Variants in WHRN observed in about 807,000 individuals in gnomAD.
WHRN encodes the protein whirlin.
A neutral mutation model predicts 68.3 loss-of-function variants in WHRN; 41 were observed. That is an observed-to-expected ratio of 0.60 (90% confidence interval 0.47 to 0.78). The LOEUF (loss-of-function observed/expected upper bound fraction) is 0.78. Among genes scored for constraint, WHRN ranks in the 30% least tolerant of loss-of-function variants. The pLI is 0.00. For synonymous variants in WHRN, 560 were observed against 561.3 expected (o/e 1.00, Z 0.03); for missense variants, 1,243 against 1,244.7 (o/e 1.00, Z 0.02).
intron 3 of WHRN, among the ~76,000 whole-genome samples, chr9:114,455,942 C>A (rs1329619545): frequency 6.6e-6 from 1 of 152,052 alleles, no homozygotes; most frequent in Non-Finnish European, 1.5e-5. Context: ...GCAAAATCAT[C>A]TAACACAAAG....
chr9:114,433,707 A>T (rs1837610786), intron 3 of WHRN, among the ~76,000 whole-genome samples: 1 of 152,218 alleles, frequency 6.6e-6, no homozygotes, highest in African/African-American at 2.4e-5. Context: ...AAATAAAAAG[A>T]TGCAGGTAAT....
chr9:114,441,446 G>A (rs1838364943), intron 3 of WHRN, among the ~76,000 whole-genome samples: 1 of 152,178 alleles, frequency 6.6e-6, no homozygotes, highest in African/African-American at 2.4e-5. Flanking sequence ...CTAGCCCCCA[G>A]ATCTTGATAT....
chr9:114,408,803 C>A (rs1246016679), intron 7 of WHRN, among the ~76,000 whole-genome samples: 2 of 152,176 alleles, frequency 1.3e-5, no homozygotes, highest in African/African-American at 4.8e-5. Context: ...GAGGGTGTTT[C>A]CAGGAGAGAT....
chr9:114,412,491 A>G (rs533710240), intron 7 of WHRN, among the ~76,000 whole-genome samples: 10 of 152,270 alleles, frequency 6.6e-5, no homozygotes, highest in African/African-American at 2.4e-4. Flanking sequence ...GTGACTGAAG[A>G]TCAGAGCGGG....
chr9:114,479,142 C>T (rs760111280), intron 1 of WHRN, among the ~76,000 whole-genome samples: 1 of 152,156 alleles, frequency 6.6e-6, no homozygotes, highest in Non-Finnish European at 1.5e-5. Context: ...AAATGCGGCT[C>T]ATGTGCTTAG....
intron 2 of WHRN, chr9:114,478,279 C>T: frequency 1.5e-6 from 1 of 684,974 alleles, no homozygotes; most frequent in Non-Finnish European, 2.7e-6. Context: ...CAGAGTGAGA[C>T]TCTGTCTCCA....
chr9:114,426,097 G>A, intron 4 of WHRN, 114 bp downstream of exon 4: 1 of 1,368,754 alleles, frequency 7.3e-7, no homozygotes, highest in Non-Finnish European at 1.0e-6. Context: ...GCCCTGGTGT[G>A]GGGACTGCAG....
chr9:114,408,591 T>C (rs1308478858), intron 7 of WHRN, among the ~76,000 whole-genome samples: 1 of 152,240 alleles, frequency 6.6e-6, no homozygotes, highest in East Asian at 1.9e-4. Flanking sequence ...AAAAGGCCAT[T>C]TGTGGGCCGT....
chr9:114,449,258 C>A (rs1214293470), intron 3 of WHRN, among the ~76,000 whole-genome samples: 1 of 152,178 alleles, frequency 6.6e-6, no homozygotes, highest in African/African-American at 2.4e-5. Context: ...CTCTTCATGC[C>A]CCTACCCTAT....
chr9:114,478,218 G>A, intron 2 of WHRN: 1 of 629,888 alleles, frequency 1.6e-6, no homozygotes, highest in Non-Finnish European at 2.9e-6. Flanking sequence ...AACCCTGGAG[G>A]CAGAGGTTGC....
At chr9:114,476,784 T>A (rs1378567308) in intron 2 of WHRN, among the ~76,000 whole-genome samples, 2 of 152,004 alleles carry the variant, frequency 1.3e-5, no homozygotes, top group African/African-American at 4.8e-5. Context: ...GTTCCTCATC[T>A]GCAAAATGGG....
chr9:114,477,047 A>AGGGTAC (rs1841707148), intron 2 of WHRN, among the ~76,000 whole-genome samples: 1 of 152,170 alleles, frequency 6.6e-6, no homozygotes. Context: ...TGGTGGGGAG[A>AGGGTAC]GGGTACGAGC....
At position 114,500,278 on chromosome 9, in the gene WHRN, C is replaced by T. The variant is rs533932454; in HGVS notation, c.618+3906G>A. Among the ~76,000 whole-genome samples the T allele has an allele frequency of 5.9e-4, 90 of 152,270 alleles. 1 individual carries two copies. The highest frequency in any genetic ancestry group is 2.0e-3 in the African/African-American group (85 of 41,554). On this transcript the variant is annotated intron_variant, in intron 1 of 11. Coordinates refer to ENST00000362057, the MANE Select transcript of WHRN (RefSeq NM_015404.4). ...AAGGTCTGTGCATGCCATGGTGCCACGGTTTCCAAACTGGACACAGGAACA... is the reference window on the plus strand; with the variant it reads ...AAGGTCTGTGCATGCCATGGTGCCATGGTTTCCAAACTGGACACAGGAACA...
intron 7 of WHRN, among the ~76,000 whole-genome samples, chr9:114,423,077 A>C (rs1208132593): frequency 6.6e-6 from 1 of 151,824 alleles, no homozygotes; most frequent in Non-Finnish European, 1.5e-5. Flanking sequence ...AAGCCCCAGG[A>C]GGCAGGGCCA....
intron 3 of WHRN, among the ~76,000 whole-genome samples, chr9:114,429,996 C>T (rs761596876): frequency 2.6e-5 from 4 of 152,250 alleles, no homozygotes; most frequent in African/African-American, 7.2e-5. Flanking sequence ...CTCTTCATCG[C>T]GCAAGGGCTT....
chr9:114,410,192 C>T (rs954403873), intron 7 of WHRN, among the ~76,000 whole-genome samples: 1 of 152,200 alleles, frequency 6.6e-6, no homozygotes, highest in Non-Finnish European at 1.5e-5. Flanking sequence ...CCCGTTCCTG[C>T]TTTGGTTTTC....
intron 1 of WHRN, among the ~76,000 whole-genome samples, chr9:114,494,090 AG>A (rs1349352946): frequency 6.6e-6 from 1 of 152,156 alleles, no homozygotes; most frequent in Non-Finnish European, 1.5e-5. Flanking sequence ...CAATTCTCAG[AG>A]TCCTCTCCCG....
chr9:114,480,352 C>T (rs965775000), intron 1 of WHRN, among the ~76,000 whole-genome samples: 4 of 152,158 alleles, frequency 2.6e-5, no homozygotes, highest in Non-Finnish European at 5.9e-5. Context: ...GTATTTCCCT[C>T]CAGATCCATA....
chr9:114,423,611 C>CA, intron 6 of WHRN, 88 bp from the exon 7 acceptor site: 1 of 1,317,592 alleles, frequency 7.6e-7, no homozygotes, highest in Non-Finnish European at 1.0e-6. Flanking sequence ...GACTGGCATG[C>CA]AAACTTGACC....
Sources: allele counts gnomAD v4.1 joint callset (sites outside exome capture counted in the v4.1 genomes callset), GRCh38; gene constraint gnomAD v4.1.1; transcripts MANE v1.5; gene names NCBI Gene and HGNC (gene_info 2026-07-23, HGNC 2026-07-21).